The following CACNA1E variants were observed in gnomAD, a reference collection of about 807,000 sequenced individuals.
CACNA1E encodes the protein voltage-dependent R-type calcium channel subunit alpha-1E.
Under a neutral mutation model 259.2 loss-of-function variants are expected in CACNA1E, and 40 were observed. The ratio of observed to expected loss-of-function variants is 0.15; its 90% CI spans 0.12 to 0.20. The LOEUF (loss-of-function observed/expected upper bound fraction) is 0.20, where lower values mean the gene tolerates loss of function less well. Among genes scored for constraint, CACNA1E ranks in the 10% least tolerant of loss-of-function variants. The pLI is 1.00. For missense variants in CACNA1E, 1,874 were observed against 3,040.1 expected (o/e 0.62, Z 9.02); for synonymous variants, 1,104 against 1,138.5 (o/e 0.97, Z 0.61).
At chr1:181,530,885 G>A (rs561237621) in intron 3 of CACNA1E, among the ~76,000 whole-genome samples, 2 of 152,300 alleles carry the variant, frequency 1.3e-5, no homozygotes, top group African/African-American at 2.4e-5. Flanking sequence ...TAAGAAATAA[G>A]AATAGTCAGA....
chr1:181,483,587 C>T lies in CACNA1E; in HGVS notation c.-158C>T. On this transcript the variant is annotated 5_prime_UTR_variant, in exon 1 of 48. Coordinates refer to ENST00000367573, the MANE Select transcript of CACNA1E (RefSeq NM_001205293.3). ...AGTTCACAGCGGCGGGCTGCTGCTG[C>T]TGCCTCTCCGAAGAGCTCGCGGAGC... The T allele has an allele frequency of 2.3e-6, 1 of 441,980 alleles. No homozygotes were observed. The highest frequency in any genetic ancestry group is 4.0e-6 in the Non-Finnish European group (1 of 249,982). The allele number at this position is 441,980 out of a possible 1,614,324, so 27.4% of individuals were successfully genotyped here.
chr1:181,711,016 A>G lies in CACNA1E; in HGVS notation c.1118A>G (p.Gln373Arg). Reference protein sequence around the residue: ...NRRAFMKLRRQQQIERELNGY... With the variant: ...NRRAFMKLRRRQQIERELNGY... ...AGGGCTTTCATGAAGCTGCGGCGCCAGCAGCAGATTGAGCGTGAGCTGAAT... is the reference window on the plus strand; with the variant it reads ...AGGGCTTTCATGAAGCTGCGGCGCCGGCAGCAGATTGAGCGTGAGCTGAAT... The change falls in exon 8 of 48, where the codon CAG becomes CGG. Residue 373 changes from glutamine (Q) to arginine (R), a missense_variant. Transcript: ENST00000367573. The G allele has an allele frequency of 1.2e-6, 2 of 1,613,946 alleles. No homozygotes were observed. The highest frequency in any genetic ancestry group is 1.7e-6 in the Non-Finnish European group (2 of 1,179,840).
At chr1:181,504,585 TGAG>T in intron 1 of CACNA1E, among the ~76,000 whole-genome samples, 1 of 152,202 alleles carries the variant, frequency 6.6e-6, no homozygotes, top group South Asian at 2.1e-4. Context: ...GAGGTGATGA[TGAG>T]GAGGCTTTTC....
rs548794151 is a variant in CACNA1E, at chr1:181,794,722, C to T, written c.6028-142C>T. ...CAGTTTCCACCAGCTAAGGTTTGAG[C>T]AAGAGAGATTCAAGGGAAGTTACCA... On this transcript the variant is annotated intron_variant, in intron 45 of 47. Transcript: ENST00000367573. 5.2e-4 allele frequency: 341 copies of T among 656,920 alleles called. 4 individuals carry two copies. The highest frequency in any genetic ancestry group is 1.5e-4 in the Admixed American group (5 of 32,956). The allele number at this position is 656,920 out of a possible 1,614,324, so 40.7% of individuals were successfully genotyped here.
chr1:181,497,592 C>T (rs767741728), intron 1 of CACNA1E, among the ~76,000 whole-genome samples: 3 of 152,130 alleles, frequency 2.0e-5, no homozygotes, highest in Non-Finnish European at 2.9e-5. Flanking sequence ...TCATTTAATC[C>T]AACCCCGGGT....
At chr1:181,546,629 C>CA (rs979485584) in intron 3 of CACNA1E, among the ~76,000 whole-genome samples, 3 of 152,200 alleles carry the variant, frequency 2.0e-5, no homozygotes, top group Non-Finnish European at 2.9e-5. Context: ...CACCACCACT[C>CA]ACCCATTCTG....
intron 1 of CACNA1E, among the ~76,000 whole-genome samples, chr1:181,385,472 G>T (rs1425694203): frequency 2.0e-5 from 3 of 152,166 alleles, no homozygotes; most frequent in African/African-American, 7.2e-5. Flanking sequence ...CACTGGGTTG[G>T]GGAGTGGAGG....
intron 1 of CACNA1E, among the ~76,000 whole-genome samples, chr1:181,382,017 C>T (rs995202829): frequency 1.3e-5 from 2 of 152,154 alleles, no homozygotes; most frequent in African/African-American, 4.8e-5. Flanking sequence ...TAGATGAGAT[C>T]TCTGGCCAGA....
At position 181,724,557 on chromosome 1, in the gene CACNA1E, G is replaced by A. The variant is rs774034863; in HGVS notation, c.2142+20G>A. The A allele has an allele frequency of 4.4e-6, 7 of 1,599,266 alleles. No individual in the cohort carries two copies. Among genetic ancestry groups the A allele is most frequent in the African/African-American group, 4.0e-5 (3 of 74,678 alleles). On this transcript the variant is annotated intron_variant, in intron 17 of 47. Transcript: ENST00000367573. The stretch of plus-strand genomic sequence containing the variant: ...ACCAAGGTAAGCATTGTTTTCTGGG[G>A]ATCTGATGTTTCTCTAGTGCCATTG...
chr1:181,759,145 A>G (rs1289744269), intron 32 of CACNA1E, among the ~76,000 whole-genome samples: 1 of 152,200 alleles, frequency 6.6e-6, no homozygotes, highest in Non-Finnish European at 1.5e-5. Flanking sequence ...ACTGCAATTT[A>G]TGTGTAGATG....
intron 39 of CACNA1E, among the ~76,000 whole-genome samples, chr1:181,781,728 T>C (rs564130625): frequency 2.6e-5 from 4 of 152,288 alleles, no homozygotes; most frequent in Admixed American, 2.6e-4. Flanking sequence ...TTTAATACTG[T>C]TCAACATGGT....
intron 40 of CACNA1E, 71 bp from the exon 41 acceptor site, chr1:181,784,590 C>G (rs1353143109): frequency 8.7e-6 from 9 of 1,030,900 alleles, no homozygotes; most frequent in African/African-American, 3.2e-5. Context: ...TCAGCTCCTA[C>G]CTTCACCTCC....
chr1:181,625,572 C>A (rs2101912525), intron 6 of CACNA1E, among the ~76,000 whole-genome samples: 1 of 152,278 alleles, frequency 6.6e-6, no homozygotes, highest in African/African-American at 2.4e-5. Flanking sequence ...ACTTCTGCAG[C>A]TTTCTCACCT....
At chr1:181,780,153 T>C (rs1388352056) in intron 38 of CACNA1E, among the ~76,000 whole-genome samples, 1 of 152,150 alleles carries the variant, frequency 6.6e-6, no homozygotes, top group Non-Finnish European at 1.5e-5. Flanking sequence ...GATTTGGTGC[T>C]GTGTGGAAGA....
At chr1:181,736,976 A>G (rs1186845661) in intron 22 of CACNA1E, among the ~76,000 whole-genome samples, 2 of 152,176 alleles carry the variant, frequency 1.3e-5, no homozygotes, top group African/African-American at 4.8e-5. Context: ...ATTTGGGAAG[A>G]GCGTTCCAGC....
intron 7 of CACNA1E, among the ~76,000 whole-genome samples, chr1:181,695,870 G>A (rs1651643985): frequency 6.6e-6 from 1 of 152,182 alleles, no homozygotes; most frequent in South Asian, 2.1e-4. Flanking sequence ...CATGACAATT[G>A]CTTGAATCCA....
intron 3 of CACNA1E, among the ~76,000 whole-genome samples, chr1:181,554,134 G>A (rs1039574833): frequency 6.6e-6 from 1 of 152,100 alleles, no homozygotes; most frequent in African/African-American, 2.4e-5. Flanking sequence ...AGCCTCCCTA[G>A]TAGCTGGGAA....
chr1:181,507,506 G>A lies in CACNA1E; in HGVS notation c.267-2971G>A, dbSNP rs571334327. 6.6e-5 allele frequency among the ~76,000 whole-genome samples: 10 copies of A among 152,346 alleles called. No homozygotes were observed. In the South Asian group the frequency reaches 1.9e-3, roughly 28 times the overall value. On this transcript the variant is annotated intron_variant, in intron 1 of 47. Transcript: ENST00000367573. ...TGTGGAAGCAGGGAGCTGGGGCAGTGGAGGAACTGCCATGGTCCAAGGGGA... is the reference window on the plus strand; with the variant it reads ...TGTGGAAGCAGGGAGCTGGGGCAGTAGAGGAACTGCCATGGTCCAAGGGGA...
chr1:181,601,284 A>G (rs1239561278), intron 6 of CACNA1E, among the ~76,000 whole-genome samples: 2 of 152,026 alleles, frequency 1.3e-5, no homozygotes, highest in Non-Finnish European at 2.9e-5. Context: ...CTTAATTTTT[A>G]TTTCTGTAAC....
Sources: gnomAD v4.1 joint callset for allele counts (sites outside exome capture counted in the v4.1 genomes callset) on GRCh38, gnomAD v4.1.1 for gene constraint, MANE v1.5 for transcripts, NCBI Gene and HGNC (gene_info 2026-07-23, HGNC 2026-07-21) for gene names.